The following MAPK6 variants were observed in gnomAD, a reference collection of about 807,000 sequenced individuals.
The protein encoded by MAPK6 is ERK-3.
Under a neutral mutation model 59.3 loss-of-function variants are expected in MAPK6, and 19 were observed. The observed-to-expected ratio is 0.32, with a 90% CI of 0.22 to 0.47. MAPK6 has a LOEUF of 0.47. Ranked by LOEUF, MAPK6 falls within the 20% of genes least tolerant of loss-of-function variation. MAPK6 has a pLI of 1.00. For synonymous variants in MAPK6, 316 were observed against 290.3 expected, an observed-to-expected ratio of 1.09 and a Z score of -0.90; for missense variants, 724 against 847.9, an observed-to-expected ratio of 0.85 and a Z score of 1.81.
intron 2 of MAPK6, among the ~76,000 whole-genome samples, chr15:52,049,525 A>G (rs2031709578): frequency 6.7e-6 from 1 of 150,282 alleles, no homozygotes; most frequent in African/African-American, 2.5e-5. Flanking sequence ...GCAGAGTTTT[A>G]CCATGTTGCC....
intron 2 of MAPK6, among the ~76,000 whole-genome samples, chr15:51,986,987 A>G (rs2057192848): frequency 6.6e-6 from 1 of 152,176 alleles, no homozygotes; most frequent in South Asian, 2.1e-4. Context: ...AATTTTGCTC[A>G]AAGTCTTTAA....
chr15:52,054,541 A>G (rs1362889870), intron 3 of MAPK6, among the ~76,000 whole-genome samples: 1 of 152,190 alleles, frequency 6.6e-6, no homozygotes, highest in Non-Finnish European at 1.5e-5. Flanking sequence ...CCAAGTCTCA[A>G]AAGTTACATA....
At chr15:52,048,907 G>A (rs904587193) in intron 2 of MAPK6, among the ~76,000 whole-genome samples, 2 of 70,254 alleles carry the variant, frequency 2.8e-5, no homozygotes, top group Non-Finnish European at 3.9e-5. Context: ...GAAATATTGT[G>A]GGTAGAGCAC....
At chr15:52,021,774 G>T (rs1262285288) in intron 1 of MAPK6, among the ~76,000 whole-genome samples, 3 of 152,122 alleles carry the variant, frequency 2.0e-5, no homozygotes, top group Non-Finnish European at 4.4e-5. Flanking sequence ...GAATATGAAA[G>T]TTTCACTCAG....
intron 1 of MAPK6, chr15:52,033,670 G>A (rs879518033): frequency 2.2e-4 from 33 of 152,060 alleles, no homozygotes; most frequent in African/African-American, 6.8e-4. Flanking sequence ...GGACTTCTTC[G>A]CCTTGTTATT....
upstream of MAPK6, among the ~76,000 whole-genome samples, chr15:52,015,229 A>G (rs1292422859): frequency 1.3e-5 from 2 of 151,072 alleles, no homozygotes; most frequent in Non-Finnish European, 3.0e-5. Flanking sequence ...TCAAACTCCT[A>G]ACCTCATGTG....
intron 1 of MAPK6, among the ~76,000 whole-genome samples, chr15:52,030,256 C>T (rs1595983974): frequency 6.6e-6 from 1 of 152,184 alleles, no homozygotes. Flanking sequence ...TGTTAATTAG[C>T]TAACATGTTT....
chr15:52,020,296 T>C (rs943376031), intron 1 of MAPK6, among the ~76,000 whole-genome samples: 2 of 152,220 alleles, frequency 1.3e-5, no homozygotes, highest in Non-Finnish European at 2.9e-5. Flanking sequence ...GGGGGATCTC[T>C]GTGCAGCGGG....
intron 5 of MAPK6, among the ~76,000 whole-genome samples, chr15:52,062,737 C>T (rs1256604315): frequency 6.6e-6 from 1 of 152,134 alleles, no homozygotes; most frequent in Non-Finnish European, 1.5e-5. Context: ...TGCACTCCAG[C>T]CTGGGCGACA....
chr15:51,980,754 C>G (rs541797807), intron 1 of MAPK6, among the ~76,000 whole-genome samples: 1 of 151,016 alleles, frequency 6.6e-6, no homozygotes, highest in African/African-American at 2.4e-5. Flanking sequence ...CCACGCCCAG[C>G]TAAATTTTAT....
chr15:52,060,126 C>A (rs1468647864), intron 4 of MAPK6, among the ~76,000 whole-genome samples: 1 of 152,134 alleles, frequency 6.6e-6, no homozygotes, highest in South Asian at 2.1e-4. Flanking sequence ...GTAGTCCTAG[C>A]TGTTCAGGAG....
Position 52,054,787 on chromosome 15 carries a change from T to A in MAPK6, c.701-3846T>A, listed in dbSNP as rs974815465. Among the ~76,000 whole-genome samples, 5 of 149,900 alleles carry A rather than the reference T, an allele frequency of 3.3e-5. No homozygotes were observed. The Admixed American group carries it at 3.4e-4, about 10-fold the overall frequency. On this transcript the variant is annotated intron_variant, in intron 3 of 5. Coordinates refer to ENST00000261845, the MANE Select transcript of MAPK6 (RefSeq NM_002748.4). ...ATAGATACACACATACATATATATA[T>A]AATTTTTTTTTTCCGAGACTGAGTC...
rs1440803857 is a variant in MAPK6 at position 52,045,936 on chromosome 15, C to T, written c.-525C>T. ...TTCTGTTAACCAACAGCCGCCAGGG[C>T]TTCCTGTTGAAATAAATATATAGCA... On this transcript the variant is annotated 5_prime_UTR_variant, in exon 2 of 6. Coordinates refer to ENST00000261845, the MANE Select transcript of MAPK6 (RefSeq NM_002748.4). The T allele has an allele frequency of 6.5e-6, 1 of 153,002 alleles. No individual in the cohort carries two copies. The highest frequency in any genetic ancestry group is 6.5e-5 in the Admixed American group (1 of 15,352). The allele number at this position is 153,002 out of a possible 1,614,324, so 9.5% of individuals were successfully genotyped here.
At chr15:52,013,002 A>T (rs1595968702) in intron 3 of MAPK6, among the ~76,000 whole-genome samples, 6 of 16,456 alleles carry the variant, frequency 3.6e-4, no homozygotes, top group East Asian at 9.6e-4. Context: ...AAAAAAAAAA[A>T]AAAAAAAAAA....
chr15:51,976,468 T>C (rs1244442407), intron 1 of MAPK6, among the ~76,000 whole-genome samples: 3 of 151,460 alleles, frequency 2.0e-5, no homozygotes, highest in Admixed American at 6.6e-5. Flanking sequence ...AACAAGAACA[T>C]TGACCAGCTT....
At chr15:51,984,447 ATTTTTTTTTTTTT>A (rs71130112) in intron 2 of MAPK6, among the ~76,000 whole-genome samples, 316 of 69,982 alleles carry the variant, frequency 4.5e-3, no homozygotes, top group African/African-American at 0.02. Flanking sequence ...ACGCCGGCTA[ATTTTTTTTTTTTT>A]TTTTTTTTTT....
At chr15:52,050,757 G>A (rs770987645) in intron 3 of MAPK6, among the ~76,000 whole-genome samples, 13 of 152,304 alleles carry the variant, frequency 8.5e-5, no homozygotes, top group Non-Finnish European at 1.5e-4. Flanking sequence ...TAGAAGTAGC[G>A]AAGAATTTTA....
chr15:52,039,748 C>T (rs749834016), intron 1 of MAPK6, among the ~76,000 whole-genome samples: 2 of 151,844 alleles, frequency 1.3e-5, no homozygotes, highest in Non-Finnish European at 2.9e-5. Context: ...AACTCCTGGC[C>T]TCAGGTGTTC....
At chr15:52,049,079 ATC>A (rs1314953910) in intron 2 of MAPK6, among the ~76,000 whole-genome samples, 1 of 152,158 alleles carries the variant, frequency 6.6e-6, no homozygotes, top group African/African-American at 2.4e-5. Context: ...TACCATCACA[ATC>A]TCTCAGGGTA....
Sources: allele counts gnomAD v4.1 joint callset (sites outside exome capture counted in the v4.1 genomes callset), GRCh38; gene constraint gnomAD v4.1.1; transcripts MANE v1.5; gene names NCBI Gene and HGNC (gene_info 2026-07-23, HGNC 2026-07-21).